Variants in TEX14 observed in about 807,000 individuals in gnomAD.
The protein encoded by TEX14 is testis expressed 14, intercellular bridge forming factor, also known as inactive serine/threonine-protein kinase TEX14.
A neutral mutation model predicts 178.6 loss-of-function variants in TEX14; 168 were observed. That is an observed-to-expected ratio of 0.94 (90% CI 0.83 to 1.07). The LOEUF (loss-of-function observed/expected upper bound fraction) is 1.07, where lower values mean the gene tolerates loss of function less well. Among genes scored for constraint, TEX14 ranks in the 50% least tolerant of loss-of-function variants. The pLI is 0.00. For missense variants in TEX14, 1,730 were observed against 1,753.6 expected, an observed-to-expected ratio of 0.99 and a Z score of 0.24; for synonymous variants, 626 against 634.1, an observed-to-expected ratio of 0.99 and a Z score of 0.19.
chr17:58,610,800 C>T (rs2045725591), intron 10 of TEX14, among the ~76,000 whole-genome samples: 3 of 151,772 alleles, frequency 2.0e-5, no homozygotes, highest in Admixed American at 6.6e-5. Context: ...GCAAGAGAAT[C>T]GCTTGAACCC....
At chr17:58,573,600 C>A (rs1486877851) in intron 22 of TEX14, among the ~76,000 whole-genome samples, 1 of 152,042 alleles carries the variant, frequency 6.6e-6, no homozygotes. Flanking sequence ...CTCACTGCAA[C>A]CTCCGCCTCC....
At chr17:58,624,811 T>C (rs1157350492) in intron 3 of TEX14, among the ~76,000 whole-genome samples, 1 of 152,232 alleles carries the variant, frequency 6.6e-6, no homozygotes, top group Non-Finnish European at 1.5e-5. Context: ...ATTTAGTTAA[T>C]AATCCACTGG....
At chr17:58,625,833 T>G (rs1388883420) in intron 3 of TEX14, among the ~76,000 whole-genome samples, 1 of 152,068 alleles carries the variant, frequency 6.6e-6, no homozygotes. Flanking sequence ...CTCCGCCTCC[T>G]GGGTTGAAGA....
At chr17:58,571,851 T>C (rs1159806665) in intron 24 of TEX14, 70 bp downstream of exon 24, 5 of 1,349,730 alleles carry the variant, frequency 3.7e-6, no homozygotes, top group Admixed American at 3.5e-5. Context: ...TGGAGAAATC[T>C]TGGCAGTTTG....
intron 5 of TEX14, among the ~76,000 whole-genome samples, chr17:58,619,522 G>T (rs913995611): frequency 6.6e-6 from 1 of 151,650 alleles, no homozygotes; most frequent in African/African-American, 2.4e-5. Context: ...ATTAAGAGGA[G>T]GGGGGGCGGG....
chr17:58,631,481 A>G (rs1224536020), intron 2 of TEX14, among the ~76,000 whole-genome samples: 2 of 152,162 alleles, frequency 1.3e-5, no homozygotes, highest in African/African-American at 4.8e-5. Context: ...CACATCTCTC[A>G]AAACACACAA....
chr17:58,613,566 A>G (rs753539410), intron 8 of TEX14, 22 bp from the exon 9 acceptor site: 6 of 1,613,252 alleles, frequency 3.7e-6, no homozygotes, highest in Non-Finnish European at 5.1e-6. Context: ...AAGAAGCTTC[A>G]GATAAGGCAG....
At chr17:58,619,524 G>C (rs755921332) in intron 5 of TEX14, among the ~76,000 whole-genome samples, 5 of 152,192 alleles carry the variant, frequency 3.3e-5, no homozygotes, top group African/African-American at 7.2e-5. Flanking sequence ...TAAGAGGAGG[G>C]GGGGCGGGCA....
intron 2 of TEX14, among the ~76,000 whole-genome samples, chr17:58,635,836 A>G (rs2046423280): frequency 6.6e-6 from 1 of 151,484 alleles, no homozygotes; most frequent in Non-Finnish European, 1.5e-5. Flanking sequence ...CATAACCTCC[A>G]GCGGGTTCAA....
chr17:58,611,418 T>C (rs2144515417), intron 9 of TEX14, 79 bp from the exon 10 acceptor site: 1 of 1,050,516 alleles, frequency 9.5e-7, no homozygotes, highest in East Asian at 2.4e-5. Context: ...TGATTTCCAG[T>C]CTTTCCATAT....
At chr17:58,608,571 G>A (rs1305550059) in intron 10 of TEX14, among the ~76,000 whole-genome samples, 3 of 152,232 alleles carry the variant, frequency 2.0e-5, no homozygotes, top group South Asian at 2.1e-4. Context: ...GCAAGATCTT[G>A]TCTCAAAAAA....
At chr17:58,589,439 G>A (rs1419033583) in intron 15 of TEX14, among the ~76,000 whole-genome samples, 1 of 149,890 alleles carries the variant, frequency 6.7e-6, no homozygotes, top group Admixed American at 6.8e-5. Flanking sequence ...GCGGGCGCCT[G>A]TAATCCCAGC....
intron 24 of TEX14, 103 bp downstream of exon 24, chr17:58,571,818 A>C: frequency 9.8e-7 from 1 of 1,020,462 alleles, no homozygotes; most frequent in Non-Finnish European, 1.5e-6. Context: ...GACCCAGCTT[A>C]TTTCTTGCTT....
At chr17:58,604,386 G>T (rs985759439) in intron 11 of TEX14, among the ~76,000 whole-genome samples, 4 of 151,140 alleles carry the variant, frequency 2.6e-5, no homozygotes, top group Admixed American at 2.6e-4. Context: ...CAGAAGAATC[G>T]CTTGGACCCG....
chr17:58,612,709 T>A lies in TEX14; in HGVS notation c.1005+712A>T, dbSNP rs186548656. Among the ~76,000 whole-genome samples, 257 of 133,488 alleles carry A rather than the reference T, an allele frequency of 1.9e-3. 1 individual carries two copies. Among genetic ancestry groups the A allele is most frequent in the African/African-American group, 6.8e-3 (236 of 34,714 alleles). The allele number at this position is 133,488 out of a possible 152,430, so 87.6% of individuals were successfully genotyped here. ...GAGATCGTGCCACTGTACTCCAGCC[T>A]GGGTGACAGAAGGAGACTCTTGTCT... On this transcript the variant is annotated intron_variant, in intron 9 of 31. Coordinates refer to ENST00000349033, the MANE Select transcript of TEX14 (RefSeq NM_031272.5).
chr17:58,623,229 CCTT>C (rs1336216778), intron 3 of TEX14, among the ~76,000 whole-genome samples: 2 of 151,930 alleles, frequency 1.3e-5, no homozygotes, highest in African/African-American at 4.8e-5. Context: ...TTTTTTCCCT[CCTT>C]CACTCAACCC....
intron 6 of TEX14, 107 bp from the exon 7 acceptor site, chr17:58,616,412 T>C: frequency 1.4e-6 from 2 of 1,439,620 alleles, no homozygotes; most frequent in Non-Finnish European, 1.9e-6. Flanking sequence ...ATTTATCAAC[T>C]TTCTGAATAC....
intron 27 of TEX14, among the ~76,000 whole-genome samples, chr17:58,565,381 A>C (rs748392567): frequency 1.3e-5 from 2 of 152,228 alleles, no homozygotes; most frequent in Non-Finnish European, 2.9e-5. Flanking sequence ...TGGGTGGGGA[A>C]GGGATGTACC....
intron 29 of TEX14, among the ~76,000 whole-genome samples, chr17:58,560,191 G>A (rs1302240859): frequency 6.6e-6 from 1 of 152,110 alleles, no homozygotes; most frequent in Non-Finnish European, 1.5e-5. Flanking sequence ...GTCAGTGCTC[G>A]GTGGATGCTG....
Sources: allele counts gnomAD v4.1 joint callset (sites outside exome capture counted in the v4.1 genomes callset), GRCh38; gene constraint gnomAD v4.1.1; transcripts MANE v1.5; gene names NCBI Gene and HGNC (gene_info 2026-07-23, HGNC 2026-07-21).